Variants in VPS13B observed in about 807,000 individuals in gnomAD.
VPS13B encodes the protein intermembrane lipid transfer protein VPS13B.
VPS13B carries 285 observed loss-of-function variants against 426.4 expected under a neutral mutation model. The observed-to-expected ratio is 0.67, with a 90% CI of 0.61 to 0.74. The LOEUF (loss-of-function observed/expected upper bound fraction) is 0.74, where lower values mean the gene tolerates loss of function less well. Among genes scored for constraint, VPS13B ranks in the 30% least tolerant of loss-of-function variants. The probability of loss-of-function intolerance (pLI) is 0.00; values close to 1 mark genes in which losing one functional copy is unlikely to be tolerated. For synonymous variants in VPS13B, 1,676 were observed against 1,676.4 expected, an observed-to-expected ratio of 1.00 and a Z score of 0.01; for missense variants, 4,537 against 4,782.6, an observed-to-expected ratio of 0.95 and a Z score of 1.51.
At chr8:99,220,060 G>A (rs1815622134) in intron 17 of VPS13B, among the ~76,000 whole-genome samples, 1 of 152,134 alleles carries the variant, frequency 6.6e-6, no homozygotes, top group African/African-American at 2.4e-5. Flanking sequence ...AATGAGGCTT[G>A]TTTTTAGTGA....
chr8:99,870,976 C>T, intron 60 of VPS13B, 89 bp downstream of exon 60: 1 of 1,299,256 alleles, frequency 7.7e-7, no homozygotes, highest in Non-Finnish European at 1.1e-6. Flanking sequence ...GGCCATGCTT[C>T]CAGGGAGCCC....
chr8:99,368,443 C>T (rs1222265525), intron 19 of VPS13B, among the ~76,000 whole-genome samples: 1 of 152,180 alleles, frequency 6.6e-6, no homozygotes, highest in African/African-American at 2.4e-5. Context: ...CTTCATCTTT[C>T]TCTTCAAATT....
intron 19 of VPS13B, chr8:99,340,248 T>C: frequency 4.9e-6 from 1 of 204,422 alleles, no homozygotes; most frequent in Admixed American, 6.1e-5. Context: ...TTGGAACAGT[T>C]GGAACCCAGA....
At chr8:99,722,956 A>C (rs909073600) in intron 39 of VPS13B, among the ~76,000 whole-genome samples, 2 of 152,234 alleles carry the variant, frequency 1.3e-5, no homozygotes, top group Non-Finnish European at 2.9e-5. Context: ...TATTAACATA[A>C]GTGTAATAAC....
intron 22 of VPS13B, among the ~76,000 whole-genome samples, chr8:99,442,107 AAG>A (rs1817707942): frequency 6.6e-6 from 1 of 152,158 alleles, no homozygotes; most frequent in African/African-American, 2.4e-5. Flanking sequence ...CTGCAAAAGA[AAG>A]AGTGTTTTCT....
At chr8:99,370,750 C>T (rs193024535) in intron 19 of VPS13B, among the ~76,000 whole-genome samples, 4 of 151,804 alleles carry the variant, frequency 2.6e-5, no homozygotes, top group African/African-American at 9.7e-5. Flanking sequence ...GCTGGGACTA[C>T]AGGCGTGTAC....
At chr8:99,456,309 C>A (rs113580467) in intron 23 of VPS13B, among the ~76,000 whole-genome samples, 10,669 of 152,110 alleles carry the variant, frequency 0.07, 453 homozygotes, top group African/African-American at 0.11. Context: ...GCTGGGATTA[C>A]AGGCGTGCAC....
intron 7 of VPS13B, among the ~76,000 whole-genome samples, chr8:99,118,673 G>A (rs1847793672): frequency 6.6e-6 from 1 of 152,118 alleles, no homozygotes; most frequent in South Asian, 2.1e-4. Context: ...CTTTCATTAA[G>A]CATAGTGTGT....
chr8:99,066,041 AG>A (rs1168620575), intron 3 of VPS13B, among the ~76,000 whole-genome samples: 1 of 152,270 alleles, frequency 6.6e-6, no homozygotes. Flanking sequence ...GCTCATGGAT[AG>A]GAAGAATCAA....
intron 33 of VPS13B, among the ~76,000 whole-genome samples, chr8:99,606,761 G>A (rs1418858445): frequency 6.6e-6 from 1 of 151,690 alleles, no homozygotes; most frequent in Non-Finnish European, 1.5e-5. Context: ...CCGAAGTAGT[G>A]GGATTACAGG....
intron 42 of VPS13B, among the ~76,000 whole-genome samples, chr8:99,783,842 G>A (rs374715310): frequency 9.2e-5 from 14 of 152,242 alleles, no homozygotes; most frequent in African/African-American, 3.4e-4. Context: ...TCCCTCTTAA[G>A]GGATCTGGGG....
At chr8:99,696,322 G>A (rs145005325) in intron 35 of VPS13B, 13 of 246,126 alleles carry the variant, frequency 5.3e-5, no homozygotes, top group Admixed American at 4.9e-4. Flanking sequence ...TAAGTCGCTC[G>A]GGCAGAGGGA....
intron 54 of VPS13B, among the ~76,000 whole-genome samples, chr8:99,839,656 G>C (rs1477794047): frequency 6.6e-6 from 1 of 152,174 alleles, no homozygotes; most frequent in Non-Finnish European, 1.5e-5. Flanking sequence ...TCAAGCCACT[G>C]TCTGTCCTCT....
chr8:99,744,796 A>G (rs924917850), intron 39 of VPS13B, among the ~76,000 whole-genome samples: 3 of 151,584 alleles, frequency 2.0e-5, no homozygotes, highest in African/African-American at 7.3e-5. Flanking sequence ...CAGGAAGGGG[A>G]ACATCACACA....
intron 34 of VPS13B, among the ~76,000 whole-genome samples, chr8:99,647,268 A>C (rs1397512166): frequency 6.6e-6 from 1 of 152,152 alleles, no homozygotes; most frequent in African/African-American, 2.4e-5. Flanking sequence ...TACTCTTTAA[A>C]AAGTTTTCAT....
At chr8:99,370,593 T>C (rs914070943) in intron 19 of VPS13B, among the ~76,000 whole-genome samples, 2 of 151,058 alleles carry the variant, frequency 1.3e-5, no homozygotes, top group Non-Finnish European at 2.9e-5. Context: ...TCTACATATA[T>C]TGAGTGAAGG....
chr8:99,805,911 G>A (rs1210620189), intron 43 of VPS13B, among the ~76,000 whole-genome samples: 1 of 152,128 alleles, frequency 6.6e-6, no homozygotes, highest in Non-Finnish European at 1.5e-5. Context: ...AAGTAAGGAA[G>A]GAAAATCTTA....
intron 17 of VPS13B, among the ~76,000 whole-genome samples, chr8:99,253,243 T>C (rs1040421086): frequency 6.6e-6 from 1 of 152,198 alleles, no homozygotes; most frequent in African/African-American, 2.4e-5. Flanking sequence ...CATTAAGAGT[T>C]AGATATTTGA....
At chr8:99,599,136 T>A (rs1358991998) in intron 33 of VPS13B, among the ~76,000 whole-genome samples, 4 of 152,000 alleles carry the variant, frequency 2.6e-5, no homozygotes, top group Non-Finnish European at 4.4e-5. Context: ...TTACATTTTT[T>A]AAAATATTGT....
Sources: gnomAD v4.1 joint callset for allele counts (sites outside exome capture counted in the v4.1 genomes callset) on GRCh38, gnomAD v4.1.1 for gene constraint, MANE v1.5 for transcripts, NCBI Gene and HGNC (gene_info 2026-07-23, HGNC 2026-07-21) for gene names.